CDCA2: variants seen among roughly 807,000 people sequenced by gnomAD.
CDCA2 encodes cell division cycle associated 2.
A neutral mutation model predicts 67.0 loss-of-function variants in CDCA2; 44 were observed. That is an observed-to-expected ratio of 0.66 (90% CI 0.52 to 0.84). The LOEUF (loss-of-function observed/expected upper bound fraction) is 0.84. Among genes scored for constraint, CDCA2 ranks in the 40% least tolerant of loss-of-function variants. The pLI, the probability that CDCA2 is intolerant of heterozygous loss-of-function variation, is 0.00. For missense variants in CDCA2, 1,253 were observed against 1,203.2 expected, an observed-to-expected ratio of 1.04 and a Z score of -0.61; for synonymous variants, 447 against 418.7, an observed-to-expected ratio of 1.07 and a Z score of -0.82.
At position 25,506,688 on chromosome 8, in the gene CDCA2, T is replaced by C; in HGVS notation, c.2022T>C (p.Ser674=). ...CCTCATCGCTTGGCAATGCTACTTCTGATGAAGATCCAAATACAAATATAA... is the reference window on the plus strand; with the variant it reads ...CCTCATCGCTTGGCAATGCTACTTCCGATGAAGATCCAAATACAAATATAA... ...KSSSSLGNAT[S]DEDPNTNIMN... Residue 674 remains serine, a synonymous_variant, in exon 15 of 15, where the codon TCT becomes TCC. Coordinates refer to ENST00000330560, the MANE Select transcript of CDCA2 (RefSeq NM_152562.4). 1 of 1,611,930 alleles carries C rather than the reference T, an allele frequency of 6.2e-7. No individual in the cohort carries two copies. Among genetic ancestry groups the C allele is most frequent in the Non-Finnish European group, 8.5e-7 (1 of 1,179,456 alleles).
rs1802998369 is a variant in CDCA2 at position 25,468,204 on chromosome 8, T to G, written c.539-13T>G. On this transcript the variant is annotated splice_polypyrimidine_tract_variant and intron_variant, in intron 5 of 14. Transcript: ENST00000330560. ...TATGCCTGTGTCGTTTTGTTTTTAT[T>G]TTGTGTTTATAGCCAGAAAGGAAGG... 1 of 1,514,382 alleles carries G rather than the reference T, an allele frequency of 6.6e-7. No homozygotes were observed. The highest frequency in any genetic ancestry group is 8.9e-7 in the Non-Finnish European group (1 of 1,127,138). 93.8% of individuals were successfully genotyped at this position (1,514,382 alleles called of 1,614,324 possible). A position where few individuals can be genotyped will look rare whatever the true frequency, so the allele number is the denominator to read the frequency against.
At chr8:25,502,748 G>C (rs1423383335) in intron 13 of CDCA2, among the ~76,000 whole-genome samples, 3 of 152,000 alleles carry the variant, frequency 2.0e-5, no homozygotes, top group Non-Finnish European at 1.5e-5. Flanking sequence ...TATCTGTGCA[G>C]TTCTAAAGCA....
intron 3 of CDCA2, among the ~76,000 whole-genome samples, chr8:25,461,544 T>G (rs888520596): frequency 6.6e-6 from 1 of 152,172 alleles, no homozygotes; most frequent in African/African-American, 2.4e-5. Context: ...CTTAGACCTT[T>G]AAAAGGCTGG....
chr8:25,487,405 A>G (rs1164101289), intron 12 of CDCA2, 71 bp downstream of exon 12: 2 of 944,300 alleles, frequency 2.1e-6, no homozygotes, highest in Non-Finnish European at 3.4e-6. Context: ...TTTCATGGCC[A>G]AATGATAATG....
chr8:25,476,137 C>T (rs1357393305), intron 7 of CDCA2, among the ~76,000 whole-genome samples: 1 of 152,214 alleles, frequency 6.6e-6, no homozygotes, highest in East Asian at 1.9e-4. Flanking sequence ...CTCCCAAATT[C>T]TGGGATATTC....
At chr8:25,482,565 G>A (rs929929875) in intron 8 of CDCA2, among the ~76,000 whole-genome samples, 2 of 152,170 alleles carry the variant, frequency 1.3e-5, no homozygotes, top group Non-Finnish European at 2.9e-5. Flanking sequence ...ATGTAACAAT[G>A]CCATTTAAAA....
chr8:25,483,554 A>G (rs1803651462), intron 9 of CDCA2, 68 bp downstream of exon 9: 3 of 1,148,652 alleles, frequency 2.6e-6, no homozygotes, highest in East Asian at 4.8e-5. Context: ...CTAGTATAAT[A>G]TATGAAATTT....
At chr8:25,498,458 C>T (rs866971187) in intron 13 of CDCA2, among the ~76,000 whole-genome samples, 4 of 118,890 alleles carry the variant, frequency 3.4e-5, no homozygotes, top group Non-Finnish European at 7.5e-5. Context: ...TCTGCACCCC[C>T]CCCCCGCCCC....
intron 7 of CDCA2, among the ~76,000 whole-genome samples, chr8:25,477,252 C>G (rs1244679427): frequency 6.6e-6 from 1 of 152,162 alleles, no homozygotes. Context: ...CTGTGAGAAG[C>G]CTTTTCCTCA....
intron 13 of CDCA2, among the ~76,000 whole-genome samples, chr8:25,490,106 C>G (rs532647471): frequency 6.6e-6 from 1 of 152,140 alleles, no homozygotes; most frequent in Non-Finnish European, 1.5e-5. Flanking sequence ...AGGTCACACA[C>G]TCTTGATAAA....
chr8:25,497,512 A>AATAAAAAAAT (rs113216913), intron 13 of CDCA2, among the ~76,000 whole-genome samples: 2 of 144,898 alleles, frequency 1.4e-5, no homozygotes, highest in African/African-American at 5.1e-5. Context: ...AAAATAAAAA[A>AATAAAAAAAT]AAAAAAAACT....
chr8:25,504,757 C>G (rs1388631647), intron 14 of CDCA2, among the ~76,000 whole-genome samples: 1 of 152,178 alleles, frequency 6.6e-6, no homozygotes, highest in African/African-American at 2.4e-5. Context: ...TTTAATCTGA[C>G]CTAATGTTGC....
intron 12 of CDCA2, among the ~76,000 whole-genome samples, chr8:25,487,915 G>T (rs995522704): frequency 2.0e-5 from 3 of 152,146 alleles, no homozygotes; most frequent in Non-Finnish European, 4.4e-5. Context: ...GAATTTCGTT[G>T]AGGTGAAAAT....
At chr8:25,482,869 AAAAT>A (rs560517767) in intron 8 of CDCA2, among the ~76,000 whole-genome samples, 38 of 152,318 alleles carry the variant, frequency 2.5e-4, no homozygotes, top group Non-Finnish European at 4.6e-4. Flanking sequence ...CCTTGTCTCA[AAAAT>A]AAATAAATAA....
At chr8:25,484,349 A>C in intron 10 of CDCA2, 139 bp downstream of exon 10, 1 of 1,230,982 alleles carries the variant, frequency 8.1e-7, no homozygotes, top group Non-Finnish European at 1.1e-6. Flanking sequence ...TCTATTTTGT[A>C]TGTAGGTTTT....
intron 3 of CDCA2, among the ~76,000 whole-genome samples, chr8:25,461,322 C>G (rs188171903): frequency 6.6e-6 from 1 of 150,456 alleles, no homozygotes; most frequent in African/African-American, 2.5e-5. Flanking sequence ...TGGCTAATGT[C>G]CTTCGAGCAG....
intron 13 of CDCA2, among the ~76,000 whole-genome samples, chr8:25,491,985 A>C (rs1386673446): frequency 6.7e-6 from 1 of 149,682 alleles, no homozygotes; most frequent in South Asian, 2.2e-4. Context: ...TTTAGTAAAG[A>C]CGGGGTTTCA....
intron 7 of CDCA2, among the ~76,000 whole-genome samples, chr8:25,478,746 C>A (rs540602171): frequency 7.9e-5 from 12 of 151,932 alleles, no homozygotes; most frequent in African/African-American, 2.9e-4. Context: ...ATGTGTGGTT[C>A]GCCTTGTTCT....
chr8:25,499,658 T>C (rs1165845873), intron 13 of CDCA2, among the ~76,000 whole-genome samples: 1 of 152,172 alleles, frequency 6.6e-6, no homozygotes, highest in Non-Finnish European at 1.5e-5. Context: ...TAAAGAAGTC[T>C]TAATTATGCA....
Sources: allele counts gnomAD v4.1 joint callset (sites outside exome capture counted in the v4.1 genomes callset), GRCh38; gene constraint gnomAD v4.1.1; transcripts MANE v1.5; gene names NCBI Gene and HGNC (gene_info 2026-07-23, HGNC 2026-07-21).